ARHGAP19: variants seen among roughly 807,000 people sequenced by gnomAD.
ARHGAP19 encodes Rho GTPase activating protein 19, also known as rho GTPase-activating protein 19.
Under a neutral mutation model 60.9 loss-of-function variants are expected in ARHGAP19, and 48 were observed. That is an observed-to-expected ratio of 0.79 (90% CI 0.62 to 1.00). The LOEUF is 1.00. Among genes scored for constraint, ARHGAP19 ranks in the 50% least tolerant of loss-of-function variants. The pLI, the probability that ARHGAP19 is intolerant of heterozygous loss-of-function variation, is 0.00. For synonymous variants in ARHGAP19, 209 were observed against 215.5 expected (o/e 0.97, Z 0.27); for missense variants, 562 against 597.2 (o/e 0.94, Z 0.61).
chr10:97,249,245 A>C (rs1220433852), intron 6 of ARHGAP19, among the ~76,000 whole-genome samples: 1 of 152,222 alleles, frequency 6.6e-6, no homozygotes, highest in East Asian at 1.9e-4. Context: ...ACGGATGCTA[A>C]AACCATTATT....
chr10:97,231,973 T>A (rs1369012923), intron 9 of ARHGAP19, among the ~76,000 whole-genome samples: 2 of 148,248 alleles, frequency 1.3e-5, no homozygotes, highest in Admixed American at 6.8e-5. Context: ...TTTGTTATTT[T>A]CCGTTGTTTT....
intron 6 of ARHGAP19, among the ~76,000 whole-genome samples, 194 bp from the exon 7 acceptor site, chr10:97,246,531 T>C (rs553525384): frequency 6.6e-6 from 1 of 152,248 alleles, no homozygotes; most frequent in East Asian, 1.9e-4. Context: ...ACAAATCTGA[T>C]GGAAAAACTG....
chr10:97,235,167 G>A (rs377249152), intron 9 of ARHGAP19, 50 bp downstream of exon 9: 2 of 1,512,444 alleles, frequency 1.3e-6, no homozygotes, highest in Non-Finnish European at 1.8e-6. Flanking sequence ...AAATCACATT[G>A]TTACATTTCC....
intron 9 of ARHGAP19, among the ~76,000 whole-genome samples, chr10:97,230,984 G>A (rs1383263494): frequency 1.6e-5 from 2 of 126,098 alleles, no homozygotes; most frequent in Non-Finnish European, 3.2e-5. Flanking sequence ...TTGAACCCAG[G>A]AAGTGGAAGT....
intron 1 of ARHGAP19, among the ~76,000 whole-genome samples, chr10:97,268,433 T>C (rs1210137355): frequency 1.3e-5 from 2 of 152,222 alleles, no homozygotes; most frequent in Non-Finnish European, 1.5e-5. Context: ...ATCCTTACAG[T>C]AGTACCCAAC....
At position 97,246,210 on chromosome 10, in the gene ARHGAP19, T is replaced by C. The variant is rs1008583894; in HGVS notation, c.993+62A>G. ...TTTTACTTTGACTTCATACTTTGTT[T>C]TAAGACTCCACAAATCTTAATGCTC... On this transcript the variant is annotated intron_variant, in intron 7 of 11. Transcript: ENST00000358531. 89 of 1,368,534 alleles carry C rather than the reference T, an allele frequency of 6.5e-5. 2 individuals carry two copies. The South Asian group carries it at 1.0e-3, about 15-fold the overall frequency. The allele number at this position is 1,368,534 out of a possible 1,614,324, so 84.8% of individuals were successfully genotyped here.
At chr10:97,261,508 T>C (rs1327518177) in intron 4 of ARHGAP19, among the ~76,000 whole-genome samples, 1 of 152,166 alleles carries the variant, frequency 6.6e-6, no homozygotes, top group Admixed American at 6.5e-5. Context: ...TTAACACTTG[T>C]AAAAAGAATA....
At chr10:97,242,217 A>C (rs1842495558) in intron 8 of ARHGAP19, among the ~76,000 whole-genome samples, 1 of 150,212 alleles carries the variant, frequency 6.7e-6, no homozygotes, top group Non-Finnish European at 1.5e-5. Context: ...CAACATAAAC[A>C]CTGGCAGGAA....
At chr10:97,270,526 G>A in intron 1 of ARHGAP19, 1 of 1,207,658 alleles carries the variant, frequency 8.3e-7, no homozygotes, top group Non-Finnish European at 1.2e-6. Flanking sequence ...CTATATTTAA[G>A]CAAAAACAAC....
At chr10:97,233,574 T>C (rs1018681376) in intron 9 of ARHGAP19, among the ~76,000 whole-genome samples, 1 of 152,102 alleles carries the variant, frequency 6.6e-6, no homozygotes, top group Non-Finnish European at 1.5e-5. Context: ...TTCTCACTTG[T>C]GAGTAGGAGC....
chr10:97,269,699 T>C (rs1430241964), intron 1 of ARHGAP19, among the ~76,000 whole-genome samples: 1 of 152,182 alleles, frequency 6.6e-6, no homozygotes, highest in Non-Finnish European at 1.5e-5. Context: ...AAGAGTCTTA[T>C]AATTTATTGA....
chr10:97,251,230 AG>A (rs1564717853), intron 6 of ARHGAP19, among the ~76,000 whole-genome samples: 1 of 20,538 alleles, frequency 4.9e-5, no homozygotes, highest in Non-Finnish European at 8.5e-5. Flanking sequence ...TGGAAGGGGA[AG>A]GGAAGGGGAA....
intron 9 of ARHGAP19, among the ~76,000 whole-genome samples, chr10:97,232,959 C>G (rs1257288022): frequency 1.3e-5 from 2 of 151,982 alleles, no homozygotes; most frequent in African/African-American, 2.4e-5. Context: ...ACCAGGCTGG[C>G]CAACATGGTG....
At chr10:97,232,398 C>T (rs1010997257) in intron 9 of ARHGAP19, among the ~76,000 whole-genome samples, 1 of 152,000 alleles carries the variant, frequency 6.6e-6, no homozygotes, top group African/African-American at 2.4e-5. Context: ...CTCCTGACCT[C>T]GTGATCCGCC....
At chr10:97,255,659 G>A (rs11189074) in intron 6 of ARHGAP19, among the ~76,000 whole-genome samples, 7 of 152,104 alleles carry the variant, frequency 4.6e-5, no homozygotes, top group Non-Finnish European at 7.4e-5. Flanking sequence ...ACTGTGCTAC[G>A]TTTTGCTAAA....
chr10:97,265,584 A>T (rs1842887656), intron 2 of ARHGAP19: 1 of 413,510 alleles, frequency 2.4e-6, no homozygotes, highest in South Asian at 3.6e-5. Flanking sequence ...ACATATTAAT[A>T]GGGCATGAAA....
intron 8 of ARHGAP19, among the ~76,000 whole-genome samples, chr10:97,243,253 C>T (rs188080296): frequency 1.7e-3 from 260 of 152,264 alleles, no homozygotes; most frequent in African/African-American, 5.5e-3. Flanking sequence ...CAGACTCTTC[C>T]CCCAAGGAAG....
At chr10:97,252,672 TGAA>T (rs1842702254) in intron 6 of ARHGAP19, among the ~76,000 whole-genome samples, 1 of 151,964 alleles carries the variant, frequency 6.6e-6, no homozygotes, top group Admixed American at 6.6e-5. Context: ...GATGAGGATG[TGAA>T]GAAAAGGGAA....
chr10:97,284,095 A>G (rs1408083591), intron 1 of ARHGAP19, among the ~76,000 whole-genome samples: 1 of 151,732 alleles, frequency 6.6e-6, no homozygotes, highest in East Asian at 1.9e-4. Context: ...CACCACACCT[A>G]GCTTTTTTCT....
Sources: allele counts gnomAD v4.1 joint callset (sites outside exome capture counted in the v4.1 genomes callset), GRCh38; gene constraint gnomAD v4.1.1; transcripts MANE v1.5; gene names NCBI Gene and HGNC (gene_info 2026-07-23, HGNC 2026-07-21).